The following SLC4A5 variants were observed in gnomAD, a reference collection of about 807,000 sequenced individuals.
SLC4A5 encodes the protein solute carrier family 4 member 5.
A neutral mutation model predicts 120.4 loss-of-function variants in SLC4A5; 96 were observed. The ratio of observed to expected loss-of-function variants is 0.80; its 90% CI spans 0.68 to 0.94. The LOEUF (loss-of-function observed/expected upper bound fraction) is 0.94. Ranked by LOEUF, SLC4A5 falls within the 40% of genes least tolerant of loss-of-function variation. SLC4A5 has a pLI of 0.00. For synonymous variants in SLC4A5, 550 were observed against 571.1 expected, an observed-to-expected ratio of 0.96 and a Z score of 0.53; for missense variants, 1,259 against 1,459.5, an observed-to-expected ratio of 0.86 and a Z score of 2.24.
rs11374814 is a variant in SLC4A5 at position 74,296,786 on chromosome 2, C to CAAA, written c.271+7700_271+7702dup. 3.4e-4 allele frequency among the ~76,000 whole-genome samples: 25 copies of CAAA among 73,008 alleles called. 1 individual carries two copies. Among genetic ancestry groups the CAAA allele is most frequent in the African/African-American group, 1.1e-3 (23 of 21,598 alleles). 47.9% of individuals were successfully genotyped at this position (73,008 alleles called of 152,430 possible). On this transcript the variant is annotated intron_variant, in intron 7 of 30. Transcript: ENST00000394019. ...TGGGTGACGGAGCAAGACTCTGTCT[C>CAAA]AAAAAAAAAAAAAAAAAAAAGAAAG...
intron 7 of SLC4A5, among the ~76,000 whole-genome samples, chr2:74,291,758 T>C (rs554739630): frequency 2.2e-4 from 34 of 152,272 alleles, no homozygotes; most frequent in African/African-American, 7.9e-4. Flanking sequence ...GTGTGAGCCA[T>C]CACACGTGGC....
chr2:74,229,688 A>G (rs1694991420), intron 25 of SLC4A5, among the ~76,000 whole-genome samples: 1 of 152,176 alleles, frequency 6.6e-6, no homozygotes, highest in African/African-American at 2.4e-5. Flanking sequence ...TCAATAAACA[A>G]AATGCTTGCC....
At chr2:74,262,283 C>G in intron 10 of SLC4A5, 51 bp from the exon 11 acceptor site, 12 of 1,529,498 alleles carry the variant, frequency 7.8e-6, no homozygotes, top group Non-Finnish European at 1.1e-5. Context: ...GCTGGTGTAG[C>G]GAAGCCTCTT....
chr2:74,341,624 A>C (rs1673628935), intron 2 of SLC4A5, among the ~76,000 whole-genome samples: 1 of 152,206 alleles, frequency 6.6e-6, no homozygotes, highest in South Asian at 2.1e-4. Context: ...CAGGCAGCCC[A>C]TGCCATTACT....
exon 1 of SLC4A5, chr2:74,343,363 C>T (rs1344835319): frequency 6.6e-6 from 1 of 152,218 alleles, no homozygotes; most frequent in Non-Finnish European, 1.5e-5. Flanking sequence ...TACCCCAGTG[C>T]AGTGGCCTGT....
chr2:74,337,880 A>G (rs961313112), intron 3 of SLC4A5, among the ~76,000 whole-genome samples: 12 of 152,268 alleles, frequency 7.9e-5, no homozygotes, highest in African/African-American at 2.6e-4. Flanking sequence ...TCTGCCTAAG[A>G]TCTTTAAATG....
At chr2:74,293,705 T>C (rs1192136688) in intron 7 of SLC4A5, among the ~76,000 whole-genome samples, 1 of 152,204 alleles carries the variant, frequency 6.6e-6, no homozygotes, top group Non-Finnish European at 1.5e-5. Context: ...AACTCCTTTG[T>C]TCTTGTAATA....
chr2:74,258,224 A>G (rs1274115113), intron 12 of SLC4A5, among the ~76,000 whole-genome samples: 3 of 152,248 alleles, frequency 2.0e-5, no homozygotes, highest in Middle Eastern at 3.2e-3. Context: ...ATGATGAAGA[A>G]AGAGCCTGCA....
intron 19 of SLC4A5, 26 bp from the exon 20 acceptor site, chr2:74,242,078 C>T (rs374022329): frequency 1.3e-6 from 2 of 1,595,106 alleles, no homozygotes; most frequent in African/African-American, 2.7e-5. Context: ...TGACACGGGG[C>T]AGGGTCAGCA....
chr2:74,253,017 T>G, exon 15 of SLC4A5: 1 of 1,614,150 alleles, frequency 6.2e-7, no homozygotes, highest in East Asian at 2.2e-5. Context: ...TCAATCCGGA[T>G]ATTTGGGTCC....
In SLC4A5 at chr2:74,313,507, C is replaced by G. The variant is rs564416390; in HGVS notation, c.79+1438G>C. On this transcript the variant is annotated intron_variant, in intron 6 of 30. Coordinates refer to ENST00000394019, the Ensembl canonical transcript of SLC4A5. ...GTTACTTGGATGTCAGTGTCCAAAT[C>G]TGTCTAAAGTCCCAGCTCACCCCAC... Among the ~76,000 whole-genome samples, 10 of 152,300 alleles carry G rather than the reference C, an allele frequency of 6.6e-5. No individual in the cohort carries two copies. The South Asian group carries it at 2.1e-3, about 32-fold the overall frequency.
intron 6 of SLC4A5, among the ~76,000 whole-genome samples, chr2:74,306,423 C>T (rs1672646065): frequency 6.6e-6 from 1 of 152,148 alleles, no homozygotes; most frequent in Non-Finnish European, 1.5e-5. Context: ...AATAAATAGT[C>T]TTAGTCTGTA....
chr2:74,283,070 C>G (rs573636942), intron 8 of SLC4A5, among the ~76,000 whole-genome samples: 4 of 152,192 alleles, frequency 2.6e-5, no homozygotes, highest in African/African-American at 7.2e-5. Context: ...CTGACCCCAA[C>G]AGAATTGCTT....
At chr2:74,250,465 T>G in exon 17 of SLC4A5, 1 of 1,614,202 alleles carries the variant, frequency 6.2e-7, no homozygotes, top group Non-Finnish European at 8.5e-7. Context: ...TAGAAGTCAC[T>G]TGGGAACCAG....
intron 19 of SLC4A5, among the ~76,000 whole-genome samples, chr2:74,242,921 T>C (rs1409196295): frequency 6.6e-6 from 1 of 152,246 alleles, no homozygotes; most frequent in Admixed American, 6.5e-5. Flanking sequence ...CCCAAAGTGC[T>C]GGGATTACAG....
chr2:74,287,287 G>C (rs779655085), intron 7 of SLC4A5, among the ~76,000 whole-genome samples: 1 of 152,190 alleles, frequency 6.6e-6, no homozygotes, highest in Non-Finnish European at 1.5e-5. Flanking sequence ...CTCCTCTGCA[G>C]GTGTGTCTGA....
chr2:74,303,474 T>C (rs151247183), intron 7 of SLC4A5, among the ~76,000 whole-genome samples: 138 of 152,292 alleles, frequency 9.1e-4, no homozygotes, highest in African/African-American at 3.2e-3. Context: ...TTAGGCAGGT[T>C]TGGGATATGC....
In SLC4A5 at chr2:74,301,773, C is replaced by T. The variant is rs76207565; in HGVS notation, c.271+2716G>A. On this transcript the variant is annotated intron_variant, in intron 7 of 30. Coordinates refer to ENST00000394019, the Ensembl canonical transcript of SLC4A5. ...AGACTGAGGGTTGAGACTTCCACTC[C>T]GTGAAGAACAGCAGAAACCAACTCA... Among the ~76,000 whole-genome samples, 957 of 152,288 alleles carry T rather than the reference C, an allele frequency of 6.3e-3. 7 individuals are homozygous for T. The highest frequency in any genetic ancestry group is 0.022 in the African/African-American group (922 of 41,550).
chr2:74,256,083 C>T, intron 12 of SLC4A5, 151 bp from the exon 13 acceptor site: 3 of 855,844 alleles, frequency 3.5e-6, no homozygotes, highest in Non-Finnish European at 5.3e-6. Flanking sequence ...TCCTCCGATT[C>T]TGCAGATGGG....
Sources: allele counts gnomAD v4.1 joint callset (sites outside exome capture counted in the v4.1 genomes callset), GRCh38; gene constraint gnomAD v4.1.1; transcripts MANE v1.5; gene names NCBI Gene and HGNC (gene_info 2026-07-23, HGNC 2026-07-21).